H1-10: variants seen among roughly 807,000 people sequenced by gnomAD.
The protein encoded by H1-10 is H1.10 linker histone.
For synonymous variants in H1-10, 191 were observed against 140.9 expected, an observed-to-expected ratio of 1.36 and a Z score of -2.52; for missense variants, 307 against 297.9, an observed-to-expected ratio of 1.03 and a Z score of -0.22.
chr3:129,315,448 G>T lies in H1-10; in HGVS notation c.455C>A (p.Ala152Asp). The stretch of plus-strand genomic sequence containing the variant: ...CTTCTTGTCCGCGCGCCGGGAGCCG[G>T]CCGCGCCCGGGGCTGCCTTCTTCGC... ...HKAKKAAPGAAGSRRADKKPA... is the reference protein window; with the variant it reads ...HKAKKAAPGADGSRRADKKPA... The change falls in exon 1 of 1, where the codon GCC becomes GAC. Residue 152 changes from alanine to aspartate, a missense_variant. Physicochemically the swap from Ala to Asp is moderately radical, Grantham distance 126. Transcript: ENST00000333762. The T allele has an allele frequency of 1.4e-6, 2 of 1,464,470 alleles. No homozygotes were observed. Among genetic ancestry groups the T allele is most frequent in the Non-Finnish European group, 1.8e-6 (2 of 1,114,856 alleles). The allele number at this position is 1,464,470 out of a possible 1,614,324, so 90.7% of individuals were successfully genotyped here. A position where few individuals can be genotyped will look rare whatever the true frequency, so the allele number is the denominator to read the frequency against.
Position 129,315,254 on chromosome 3 carries a change from G to A in H1-10, c.*7C>T. 3 of 1,375,036 alleles carry A rather than the reference G, an allele frequency of 2.2e-6. No homozygotes were observed. The highest frequency in any genetic ancestry group is 1.9e-5 in the South Asian group (1 of 52,052). The allele number at this position is 1,375,036 out of a possible 1,614,324, so 85.2% of individuals were successfully genotyped here. On this transcript the variant is annotated 3_prime_UTR_variant, in exon 1 of 1. Coordinates refer to ENST00000333762, the MANE Select transcript of H1-10 (RefSeq NM_006026.4). ...CCCACGCCGGCCGCTCTGACCGGCC[G>A]ACACGCTCACTTGCGGCCCTTGGGC...
chr3:129,315,626 T>C lies in H1-10; in HGVS notation c.277A>G (p.Ile93Val). The C allele has an allele frequency of 1.3e-6, 2 of 1,581,140 alleles. No homozygotes were observed. The highest frequency in any genetic ancestry group is 1.7e-6 in the Non-Finnish European group (2 of 1,164,814). Reference sequence around the variant, plus strand: ...GTGTCGTTCTGCACCAGCGCCTTGATCGAGTACTTGAGGTAGGTGCGCCCA... The same window carrying C: ...GTGTCGTTCTGCACCAGCGCCTTGACCGAGTACTTGAGGTAGGTGCGCCCA... ...QNGRTYLKYS[I>V]KALVQNDTLL... The change falls in exon 1 of 1, where the codon ATC becomes GTC. Residue 93 changes from isoleucine (I) to valine (V), a missense_variant. Ile to Val is a conservative substitution (Grantham distance 29, BLOSUM62 3). Coordinates refer to ENST00000333762, the MANE Select transcript of H1-10 (RefSeq NM_006026.4).
At position 129,314,858 on chromosome 3, in the gene H1-10, T is replaced by C. The variant is rs1419987069; in HGVS notation, c.*403A>G. On this transcript the variant is annotated 3_prime_UTR_variant, in exon 1 of 1. Coordinates refer to ENST00000333762, the MANE Select transcript of H1-10 (RefSeq NM_006026.4). ...GCAGCCCTGAGCCCGGAGCGATTGTTTGTCGCGCACCCAAAGGCAAGGAGG... is the reference window on the plus strand; with the variant it reads ...GCAGCCCTGAGCCCGGAGCGATTGTCTGTCGCGCACCCAAAGGCAAGGAGG... 2 of 160,982 alleles carry C rather than the reference T, an allele frequency of 1.2e-5. No homozygotes were observed. The highest frequency in any genetic ancestry group is 3.6e-4 in the East Asian group (2 of 5,524). 10.0% of individuals were successfully genotyped at this position (160,982 alleles called of 1,614,324 possible). A position where few individuals can be genotyped will look rare whatever the true frequency, so the allele number is the denominator to read the frequency against.
At position 129,315,962 on chromosome 3, in the gene H1-10, G is replaced by A; in HGVS notation, c.-60C>T. 2.2e-6 allele frequency: 3 copies of A among 1,367,748 alleles called. No homozygotes were observed. Among genetic ancestry groups the A allele is most frequent in the Non-Finnish European group, 2.9e-6 (3 of 1,022,084 alleles). The allele number at this position is 1,367,748 out of a possible 1,614,324, so 84.7% of individuals were successfully genotyped here. ...AAGCCGGGGGGCCGCGCCGGGAAGAGGAAGGCGAGGGGCCGAGGGGGTGCA... is the reference window on the plus strand; with the variant it reads ...AAGCCGGGGGGCCGCGCCGGGAAGAAGAAGGCGAGGGGCCGAGGGGGTGCA... On this transcript the variant is annotated 5_prime_UTR_variant, in exon 1 of 1. Coordinates refer to ENST00000333762, the MANE Select transcript of H1-10 (RefSeq NM_006026.4).
chr3:129,314,898 A>C lies in H1-10; in HGVS notation c.*363T>G. ...AGGCAAGGAGGGTGGGGAGCTGGGA[A>C]AGGATGCGCGGCCTCCGCGTCCCCG... On this transcript the variant is annotated 3_prime_UTR_variant, in exon 1 of 1. Coordinates refer to ENST00000333762, the MANE Select transcript of H1-10 (RefSeq NM_006026.4). 1 of 174,766 alleles carries C rather than the reference A, an allele frequency of 5.7e-6. No individual in the cohort carries two copies. 10.8% of individuals were successfully genotyped at this position (174,766 alleles called of 1,614,324 possible). A position where few individuals can be genotyped will look rare whatever the true frequency, so the allele number is the denominator to read the frequency against.
chr3:129,315,175 T>C lies in H1-10; in HGVS notation c.*86A>G, dbSNP rs1005488903. ...CCAGGCCTCGCGGCCCCGGCCGGCGTGAGCCGTACAAAATCTACGTCACTT... is the reference window on the plus strand; with the variant it reads ...CCAGGCCTCGCGGCCCCGGCCGGCGCGAGCCGTACAAAATCTACGTCACTT... On this transcript the variant is annotated 3_prime_UTR_variant, in exon 1 of 1. Coordinates refer to ENST00000333762, the MANE Select transcript of H1-10 (RefSeq NM_006026.4). The C allele has an allele frequency of 8.4e-6, 10 of 1,188,424 alleles. No homozygotes were observed. Among genetic ancestry groups the C allele is most frequent in the African/African-American group, 6.3e-5 (4 of 63,138 alleles). 73.6% of individuals were successfully genotyped at this position (1,188,424 alleles called of 1,614,324 possible). A position where few individuals can be genotyped will look rare whatever the true frequency, so the allele number is the denominator to read the frequency against.
rs2107706103 is a variant in H1-10 at position 129,315,205 on chromosome 3, T to G, written c.*56A>C. On this transcript the variant is annotated 3_prime_UTR_variant, in exon 1 of 1. Transcript: ENST00000333762. ...CGTACAAAATCTACGTCACTTGGGG[T>G]AGAAAAACAAAAACACCGAAAAGCC... 6 of 1,271,562 alleles carry G rather than the reference T, an allele frequency of 4.7e-6. No individual in the cohort carries two copies. The highest frequency in any genetic ancestry group is 5.9e-6 in the Non-Finnish European group (6 of 1,008,704). The allele number at this position is 1,271,562 out of a possible 1,614,324, so 78.8% of individuals were successfully genotyped here.
chr3:129,315,699 G>A lies in H1-10; in HGVS notation c.204C>T (p.Ala68=). 6.3e-7 allele frequency: 1 copy of A among 1,584,306 alleles called. No homozygotes were observed. Among genetic ancestry groups the A allele is most frequent in the Non-Finnish European group, 8.6e-7 (1 of 1,167,456 alleles). The part of the protein sequence containing the change: ...RLGERNGSSL[A]KIYTEAKKVP... ...CCTTCTTGGCCTCGGTGTAGATCTT[G>A]GCCAGCGACGAGCCGTTGCGCTCGC... Residue 68 remains alanine, a synonymous_variant, in exon 1 of 1, where the codon GCC becomes GCT. Coordinates refer to ENST00000333762, the MANE Select transcript of H1-10 (RefSeq NM_006026.4).
rs758223367 is a variant in H1-10, at chr3:129,315,371, C to T, written c.532G>A (p.Ala178Thr). ...EQRSHKKGAG[A>T]KKDKGGKAKK... ...GCCTTGCCGCCTTTGTCCTTCTTGG[C>T]GCCAGCGCCCTTCTTGTGCGAGCGC... The change falls in exon 1 of 1, where the codon GCC becomes ACC. Residue 178 changes from alanine (A) to threonine (T), a missense_variant. By Grantham distance (58) the Ala-to-Thr change is moderately conservative. Transcript: ENST00000333762. 1.4e-5 allele frequency: 22 copies of T among 1,544,880 alleles called. No homozygotes were observed. Among genetic ancestry groups the T allele is most frequent in the East Asian group, 1.3e-4 (5 of 39,448 alleles).
chr3:129,315,412 C>T lies in H1-10; in HGVS notation c.491G>A (p.Gly164Asp). Reference sequence around the variant, plus strand: ...GTGCGAGCGCTGCTCCGGCTTCTGGCCCCTGGCGGGCTTCTTGTCCGCGCG... The same window carrying T: ...GTGCGAGCGCTGCTCCGGCTTCTGGTCCCTGGCGGGCTTCTTGTCCGCGCG... Reference protein sequence around the residue: ...SRRADKKPARGQKPEQRSHKK... With the variant: ...SRRADKKPARDQKPEQRSHKK... The change falls in exon 1 of 1, where the codon GGC (glycine) becomes GAC (aspartate). Residue 164 changes from glycine (G) to aspartate (D), a missense_variant. Transcript: ENST00000333762. The T allele has an allele frequency of 9.9e-6, 15 of 1,513,938 alleles. No individual in the cohort carries two copies. The highest frequency in any genetic ancestry group is 1.3e-5 in the Non-Finnish European group (15 of 1,136,674). The allele number at this position is 1,513,938 out of a possible 1,614,324, so 93.8% of individuals were successfully genotyped here. A position where few individuals can be genotyped will look rare whatever the true frequency, so the allele number is the denominator to read the frequency against.
chr3:129,315,906 A>AGC lies in H1-10; in HGVS notation c.-6_-5dup, dbSNP rs1249697598. 4 of 1,552,374 alleles carry AGC rather than the reference A, an allele frequency of 2.6e-6. No individual in the cohort carries two copies. Among genetic ancestry groups the AGC allele is most frequent in the Non-Finnish European group, 3.5e-6 (4 of 1,144,888 alleles). On this transcript the variant is annotated 5_prime_UTR_variant, in exon 1 of 1. Transcript: ENST00000333762. ...CCTCCTCGAGCTCCACGGACATGGT[A>AGC]GCAAGAGGATTGGTGGCGGGCGGCG...
In H1-10 at chr3:129,315,088, C is replaced by T. The variant is rs1020205911; in HGVS notation, c.*173G>A. The T allele has an allele frequency of 2.2e-6, 1 of 461,516 alleles. No individual in the cohort carries two copies. The highest frequency in any genetic ancestry group is 4.4e-5 in the Admixed American group (1 of 22,712). 28.6% of individuals were successfully genotyped at this position (461,516 alleles called of 1,614,324 possible). ...AAAACCTAAAGCAAACAACGAAAAACGCTACATCGTTGGGGGAGGGGAAAG... is the reference window on the plus strand; with the variant it reads ...AAAACCTAAAGCAAACAACGAAAAATGCTACATCGTTGGGGGAGGGGAAAG... On this transcript the variant is annotated 3_prime_UTR_variant, in exon 1 of 1. Coordinates refer to ENST00000333762, the MANE Select transcript of H1-10 (RefSeq NM_006026.4).
rs565053287 is a variant in H1-10, at chr3:129,315,147, A to C, written c.*114T>G. On this transcript the variant is annotated 3_prime_UTR_variant, in exon 1 of 1. Transcript: ENST00000333762. ...GACCCGGGGCCCCTCCCTGAGGCTC[A>C]GACCAGGCCTCGCGGCCCCGGCCGG... is the stretch of plus-strand genomic sequence containing the variant. 2.3e-5 allele frequency: 22 copies of C among 939,682 alleles called. No homozygotes were observed. Among genetic ancestry groups the C allele is most frequent in the Non-Finnish European group, 2.9e-5 (21 of 717,922 alleles). 58.2% of individuals were successfully genotyped at this position (939,682 alleles called of 1,614,324 possible).
In H1-10 at chr3:129,315,923, C is replaced by A. The variant is rs2071299970; in HGVS notation, c.-21G>T. The A allele has an allele frequency of 3.9e-6, 5 of 1,271,480 alleles. No homozygotes were observed. In the South Asian group the frequency reaches 6.8e-5, roughly 17 times the overall value. 78.8% of individuals were successfully genotyped at this position (1,271,480 alleles called of 1,614,324 possible). On this transcript the variant is annotated 5_prime_UTR_variant, in exon 1 of 1. Coordinates refer to ENST00000333762, the MANE Select transcript of H1-10 (RefSeq NM_006026.4). ...GACATGGTAGCAAGAGGATTGGTGGCGGGCGGCGCGCGGAAGCCGGGGGGC... is the reference window on the plus strand; with the variant it reads ...GACATGGTAGCAAGAGGATTGGTGGAGGGCGGCGCGCGGAAGCCGGGGGGC...
rs775270271 is a variant in H1-10, at chr3:129,315,663, G to C, written c.240C>G (p.Phe80Leu). 6.3e-7 allele frequency: 1 copy of C among 1,589,622 alleles called. No homozygotes were observed. The highest frequency in any genetic ancestry group is 1.3e-5 in the African/African-American group (1 of 74,146). Residue 80 changes from phenylalanine to leucine, a missense_variant, in exon 1 of 1, where the codon TTC (phenylalanine) becomes TTG (leucine). Phe to Leu is a conservative substitution (Grantham distance 22). Transcript: ENST00000333762. ...GGTAGGTGCGCCCATTCTGCTGGTC[G>C]AACCACGGAACCTTCTTGGCCTCGG... ...IYTEAKKVPWFDQQNGRTYLK... is the reference protein window; with the variant it reads ...IYTEAKKVPWLDQQNGRTYLK...
At position 129,315,930 on chromosome 3, in the gene H1-10, C is replaced by T. The variant is rs1414160233; in HGVS notation, c.-28G>A. 2.1e-6 allele frequency: 3 copies of T among 1,416,318 alleles called. No homozygotes were observed. Among genetic ancestry groups the T allele is most frequent in the Admixed American group, 4.3e-5 (2 of 46,830 alleles). The allele number at this position is 1,416,318 out of a possible 1,614,324, so 87.7% of individuals were successfully genotyped here. On this transcript the variant is annotated 5_prime_UTR_variant, in exon 1 of 1. Transcript: ENST00000333762. ...TAGCAAGAGGATTGGTGGCGGGCGG[C>T]GCGCGGAAGCCGGGGGGCCGCGCCG...
rs1047877585 is a variant in H1-10, at chr3:129,314,878, A to C, written c.*383T>G. On this transcript the variant is annotated 3_prime_UTR_variant, in exon 1 of 1. Coordinates refer to ENST00000333762, the MANE Select transcript of H1-10 (RefSeq NM_006026.4). ...ATTGTTTGTCGCGCACCCAAAGGCA[A>C]GGAGGGTGGGGAGCTGGGAAAGGAT... is the stretch of plus-strand genomic sequence containing the variant. 1.2e-5 allele frequency: 2 copies of C among 165,198 alleles called. No homozygotes were observed. The highest frequency in any genetic ancestry group is 2.6e-5 in the Non-Finnish European group (2 of 77,164). 10.2% of individuals were successfully genotyped at this position (165,198 alleles called of 1,614,324 possible). A position where few individuals can be genotyped will look rare whatever the true frequency, so the allele number is the denominator to read the frequency against.
chr3:129,315,814 A>G lies in H1-10; in HGVS notation c.89T>C (p.Leu30Ser), dbSNP rs1233982523. 9 of 1,603,788 alleles carry G rather than the reference A, an allele frequency of 5.6e-6. No homozygotes were observed. Among genetic ancestry groups the G allele is most frequent in the Non-Finnish European group, 7.7e-6 (9 of 1,176,022 alleles). ...KVTKAGGSAA[L>S]SPSKKRKNSK... ...ATTCTTCCTCTTCTTAGATGGGGAC[A>G]ACGCCGCCGAGCCGCCAGCCTTGGT... Residue 30 changes from leucine to serine, a missense_variant, in exon 1 of 1, where the codon TTG becomes TCG. Coordinates refer to ENST00000333762, the MANE Select transcript of H1-10 (RefSeq NM_006026.4).
Position 129,314,821 on chromosome 3 carries a change from G to C in H1-10, c.*440C>G, listed in dbSNP as rs532220288. 1.1e-4 allele frequency: 17 copies of C among 155,600 alleles called. No homozygotes were observed. Among genetic ancestry groups the C allele is most frequent in the African/African-American group, 4.1e-4 (17 of 41,718 alleles). The allele number at this position is 155,600 out of a possible 1,614,324, so 9.6% of individuals were successfully genotyped here. Reference sequence around the variant, plus strand: ...CCCAAAAAAAGGCCCATGGAATGAAGGGAAGAGCCGCGCAGCCCTGAGCCC... The same window carrying C: ...CCCAAAAAAAGGCCCATGGAATGAACGGAAGAGCCGCGCAGCCCTGAGCCC... On this transcript the variant is annotated 3_prime_UTR_variant, in exon 1 of 1. Transcript: ENST00000333762.
Sources: gnomAD v4.1 joint callset for allele counts on GRCh38, gnomAD v4.1.1 for gene constraint, MANE v1.5 for transcripts, NCBI Gene and HGNC (gene_info 2026-07-23, HGNC 2026-07-21) for gene names.